Variants in LRRTM4 observed in about 807,000 individuals in gnomAD.
The protein encoded by LRRTM4 is leucine rich repeat transmembrane neuronal 4, also known as leucine-rich repeat transmembrane neuronal protein 4.
In LRRTM4, 25 loss-of-function variants were observed where a neutral mutation model predicts 47.6. That is an observed-to-expected ratio of 0.53 (90% CI 0.38 to 0.73). LRRTM4 has a LOEUF of 0.73. Ranked by LOEUF, LRRTM4 falls within the 30% of genes least tolerant of loss-of-function variation. The probability of loss-of-function intolerance (pLI) is 0.00; values close to 1 mark genes in which losing one functional copy is unlikely to be tolerated. For missense variants in LRRTM4, 638 were observed against 713.4 expected, an observed-to-expected ratio of 0.89 and a Z score of 1.20; for synonymous variants, 311 against 269.5, an observed-to-expected ratio of 1.15 and a Z score of -1.51.
intron 3 of LRRTM4, among the ~76,000 whole-genome samples, chr2:77,175,595 G>A (rs1320721514): frequency 6.6e-6 from 1 of 152,078 alleles, no homozygotes; most frequent in Non-Finnish European, 1.5e-5. Context: ...TGTACTTGAT[G>A]CAACGTGACC....
At chr2:77,170,840 T>TTATATA (rs150252583) in intron 3 of LRRTM4, among the ~76,000 whole-genome samples, 2 of 149,248 alleles carry the variant, frequency 1.3e-5, no homozygotes, top group African/African-American at 4.9e-5. Context: ...GTATAAAACC[T>TTATATA]TATATATATA....
At chr2:76,775,705 C>A (rs1244694606) in intron 3 of LRRTM4, among the ~76,000 whole-genome samples, 2 of 151,994 alleles carry the variant, frequency 1.3e-5, no homozygotes, top group African/African-American at 2.4e-5. Context: ...GTGGAGTTAG[C>A]CTATCCCTTC....
At chr2:76,814,592 T>A (rs549736657) in intron 3 of LRRTM4, among the ~76,000 whole-genome samples, 3 of 152,216 alleles carry the variant, frequency 2.0e-5, no homozygotes, top group African/African-American at 7.2e-5. Context: ...GAATTCATGT[T>A]GTATTAGGTA....
chr2:76,776,155 C>T (rs1673979581), intron 3 of LRRTM4, among the ~76,000 whole-genome samples: 1 of 152,146 alleles, frequency 6.6e-6, no homozygotes, highest in Admixed American at 6.5e-5. Context: ...TCCAGTCTAT[C>T]ATTGTTGGAC....
chr2:76,870,489 A>G (rs116296146), intron 3 of LRRTM4, among the ~76,000 whole-genome samples: 2,751 of 152,226 alleles, frequency 0.018, 85 homozygotes, highest in African/African-American at 0.063. Flanking sequence ...TTTTCAAAGG[A>G]AATTTTTGGG....
chr2:77,021,110 G>GTATGTATC (rs1678252775), intron 3 of LRRTM4, among the ~76,000 whole-genome samples: 1 of 150,920 alleles, frequency 6.6e-6, no homozygotes, highest in Non-Finnish European at 1.5e-5. Context: ...ATCTATCTAT[G>GTATGTATC]TATCTATCTA....
rs1679409098 is a variant in LRRTM4, at chr2:77,519,818, C to T, written c.51G>A (p.Val17=). 5 of 1,612,576 alleles carry T rather than the reference C, an allele frequency of 3.1e-6. No individual in the cohort carries two copies. The highest frequency in any genetic ancestry group is 4.2e-6 in the Non-Finnish European group (5 of 1,179,246). Residue 17 remains valine, a synonymous_variant, in exon 3 of 4, where the codon GTG becomes GTA. Transcript: ENST00000409884. The surrounding 1 kb of genome is among the most constrained non-coding windows in gnomAD (Gnocchi z 4.6). ...TQLKGMSVVL[V]LLPTLLLVML... is the part of the protein sequence containing the mutation. ...TAACAAGCAGCAGTGTAGGAAGTAG[C>T]ACCAGCACCACACTCATGCCTTTCA...
chr2:76,974,674 G>C (rs1057513751), intron 3 of LRRTM4, among the ~76,000 whole-genome samples: 1 of 151,526 alleles, frequency 6.6e-6, no homozygotes, highest in Non-Finnish European at 1.5e-5. Flanking sequence ...AGTTGTGCTA[G>C]AACTTGGGAG....
intron 3 of LRRTM4, among the ~76,000 whole-genome samples, chr2:77,426,163 CT>C (rs1405889000): frequency 2.6e-5 from 4 of 151,762 alleles, no homozygotes; most frequent in Admixed American, 6.6e-5. Context: ...CCTATTTCCC[CT>C]GTTCGATTAA....
intron 3 of LRRTM4, among the ~76,000 whole-genome samples, chr2:76,799,591 G>A (rs1386847426): frequency 7.1e-6 from 1 of 141,292 alleles, no homozygotes; most frequent in Non-Finnish European, 1.5e-5. Flanking sequence ...AGTGTTGGAA[G>A]TTCTGGCCAG....
intron 3 of LRRTM4, among the ~76,000 whole-genome samples, chr2:77,101,060 C>A (rs983737088): frequency 1.3e-5 from 2 of 151,992 alleles, no homozygotes; most frequent in Admixed American, 6.6e-5. Context: ...TGGTCTTGAT[C>A]TCCTGACCTC....
chr2:77,212,839 C>T (rs373505800), intron 3 of LRRTM4, among the ~76,000 whole-genome samples: 6 of 151,906 alleles, frequency 3.9e-5, no homozygotes, highest in African/African-American at 1.5e-4. Context: ...TAAAAGATAT[C>T]GTATTTATTT....
chr2:77,436,785 A>G lies in LRRTM4; in HGVS notation c.1551+81533T>C, dbSNP rs865879520. On this transcript the variant is annotated intron_variant, in intron 3 of 3. Coordinates refer to ENST00000409884, the MANE Select transcript of LRRTM4 (RefSeq NM_001134745.3). ...ATCACATATTTTCTGTATGTAGTAT[A>G]TAAAACTAAAAGGCAATGTTTTATT... is the stretch of plus-strand genomic sequence containing the variant. Among the ~76,000 whole-genome samples, 5 of 152,110 alleles carry G rather than the reference A, an allele frequency of 3.3e-5. No individual in the cohort carries two copies. The East Asian group carries it at 7.7e-4, about 23-fold the overall frequency.
chr2:77,004,976 G>A (rs780171564), intron 3 of LRRTM4, among the ~76,000 whole-genome samples: 3 of 152,108 alleles, frequency 2.0e-5, no homozygotes, highest in Non-Finnish European at 4.4e-5. Flanking sequence ...ATTTACCAAT[G>A]CCTGTACCCC....
At chr2:77,236,062 G>A (rs1040983770) in intron 3 of LRRTM4, among the ~76,000 whole-genome samples, 4 of 151,962 alleles carry the variant, frequency 2.6e-5, no homozygotes, top group African/African-American at 4.8e-5. Flanking sequence ...GAAAAATGAT[G>A]TTGGTAATTT....
chr2:77,412,109 T>TTC lies in LRRTM4; in HGVS notation c.1551+106208_1551+106209insGA, dbSNP rs1674465782. ...TGAATTCCACAGGCTGAGTTCTACCTTTGATTTGCATTATTCGTAAGGGCC... is the reference window on the plus strand; with the variant it reads ...TGAATTCCACAGGCTGAGTTCTACCTTCTTGATTTGCATTATTCGTAAGGGCC... On this transcript the variant is annotated intron_variant, in intron 3 of 3. Coordinates refer to ENST00000409884, the MANE Select transcript of LRRTM4 (RefSeq NM_001134745.3). 2.2e-5 allele frequency among the ~76,000 whole-genome samples: 3 copies of TTC among 134,406 alleles called. No individual in the cohort carries two copies. The South Asian group carries it at 7.7e-4, about 35-fold the overall frequency. 88.2% of individuals were successfully genotyped at this position (134,406 alleles called of 152,430 possible).
intron 3 of LRRTM4, among the ~76,000 whole-genome samples, chr2:77,277,194 C>G (rs1406262124): frequency 6.6e-6 from 1 of 151,906 alleles, no homozygotes; most frequent in Non-Finnish European, 1.5e-5. Context: ...ACATGCAAAA[C>G]CAATTACAGA....
intron 3 of LRRTM4, among the ~76,000 whole-genome samples, chr2:76,874,846 G>A (rs1341085807): frequency 6.6e-6 from 1 of 151,946 alleles, no homozygotes; most frequent in Non-Finnish European, 1.5e-5. Flanking sequence ...CTTAAACTTT[G>A]CTTATTTGAA....
intron 3 of LRRTM4, among the ~76,000 whole-genome samples, chr2:77,286,166 T>C (rs1474143637): frequency 1.3e-5 from 2 of 152,060 alleles, no homozygotes; most frequent in African/African-American, 2.4e-5. Context: ...CCAGTCAAGT[T>C]GCCTCAATCT....
Sources: allele counts gnomAD v4.1 joint callset (sites outside exome capture counted in the v4.1 genomes callset), GRCh38; gene constraint gnomAD v4.1.1; non-coding constraint Gnocchi (gnomAD v3.1); transcripts MANE v1.5; gene names NCBI Gene and HGNC (gene_info 2026-07-23, HGNC 2026-07-21).